The following RAP1A variants were observed in gnomAD, a reference collection of about 807,000 sequenced individuals.
RAP1A encodes ras-related protein Rap-1A.
In RAP1A, 6 loss-of-function variants were observed where a neutral mutation model predicts 26.4. The ratio of observed to expected loss-of-function variants is 0.23; its 90% confidence interval spans 0.12 to 0.45. The LOEUF (loss-of-function observed/expected upper bound fraction) is 0.45. Among genes scored for constraint, RAP1A ranks in the 20% least tolerant of loss-of-function variants. RAP1A has a pLI of 0.99. For synonymous variants in RAP1A, 73 were observed against 79.4 expected (o/e 0.92, Z 0.43); for missense variants, 121 against 217.2 (o/e 0.56, Z 2.78).
intron 1 of RAP1A, among the ~76,000 whole-genome samples, chr1:111,599,024 T>A (rs1658616233): frequency 6.6e-6 from 1 of 151,980 alleles, no homozygotes; most frequent in South Asian, 2.1e-4. Context: ...AGCATACAGA[T>A]GATGAGGTGT....
At chr1:111,705,541 G>A (rs542023914) in intron 6 of RAP1A, among the ~76,000 whole-genome samples, 2 of 152,286 alleles carry the variant, frequency 1.3e-5, no homozygotes, top group South Asian at 2.1e-4. Flanking sequence ...GAATGCCAAA[G>A]CTTGTTTTTT....
chr1:111,653,406 G>T (rs1660338997), intron 1 of RAP1A, among the ~76,000 whole-genome samples: 1 of 152,138 alleles, frequency 6.6e-6, no homozygotes, highest in East Asian at 1.9e-4. Context: ...GGTGGGCCAG[G>T]CGCGGTGGCT....
intron 1 of RAP1A, among the ~76,000 whole-genome samples, chr1:111,572,485 C>G (rs1658069336): frequency 1.3e-5 from 2 of 152,166 alleles, no homozygotes; most frequent in Non-Finnish European, 2.9e-5. Context: ...TTCCATTTAT[C>G]CCCTGATTCA....
chr1:111,607,568 C>T (rs1658813250), intron 1 of RAP1A, among the ~76,000 whole-genome samples: 1 of 151,268 alleles, frequency 6.6e-6, no homozygotes, highest in Non-Finnish European at 1.5e-5. Context: ...AGAGGGGCTC[C>T]TCACTTCCCA....
intron 1 of RAP1A, chr1:111,608,736 CA>C (rs1423161374): frequency 3.2e-5 from 5 of 158,424 alleles, no homozygotes; most frequent in South Asian, 1.7e-4. Context: ...CCGTCTCCAC[CA>C]AAAAAATACG....
chr1:111,632,921 CAAAAA>C (rs59053038), intron 1 of RAP1A, among the ~76,000 whole-genome samples: 1 of 68,786 alleles, frequency 1.5e-5, no homozygotes, highest in East Asian at 4.7e-4. Context: ...AACTTGGTCT[CAAAAA>C]AAAAAAAAAA....
At chr1:111,620,158 G>A (rs1659144954) in intron 1 of RAP1A, among the ~76,000 whole-genome samples, 2 of 152,272 alleles carry the variant, frequency 1.3e-5, no homozygotes, top group East Asian at 3.9e-4. Flanking sequence ...AACCACGCCC[G>A]CGGACCGACC....
chr1:111,542,279 C>G, exon 1 of RAP1A: 1 of 588,160 alleles, frequency 1.7e-6, no homozygotes, highest in Non-Finnish European at 3.2e-6. Flanking sequence ...CAGGATCAGA[C>G]CTGCCGGTTC....
At chr1:111,679,858 A>G (rs1661239774) in intron 1 of RAP1A, among the ~76,000 whole-genome samples, 1 of 152,228 alleles carries the variant, frequency 6.6e-6, no homozygotes, top group African/African-American at 2.4e-5. Context: ...CTCTCTGGGC[A>G]GGGCATCTGA....
chr1:111,626,565 G>C (rs1354379367), intron 1 of RAP1A, among the ~76,000 whole-genome samples: 2 of 152,122 alleles, frequency 1.3e-5, no homozygotes, highest in African/African-American at 2.4e-5. Context: ...TATCTGCTAG[G>C]ACAGAAATGT....
chr1:111,657,288 A>T (rs562281732), intron 1 of RAP1A, among the ~76,000 whole-genome samples: 1 of 152,352 alleles, frequency 6.6e-6, no homozygotes, highest in East Asian at 1.9e-4. Flanking sequence ...TTTCATGCAC[A>T]AAGTTGTTAA....
intron 1 of RAP1A, among the ~76,000 whole-genome samples, chr1:111,652,052 C>T (rs1363127113): frequency 6.6e-6 from 1 of 151,894 alleles, no homozygotes; most frequent in Non-Finnish European, 1.5e-5. Context: ...TGGCTCACTG[C>T]AACCTCAGCC....
intron 1 of RAP1A, among the ~76,000 whole-genome samples, chr1:111,542,696 GT>G (rs66509119): frequency 0.91 from 136,159 of 150,256 alleles, 62,736 homozygotes; most frequent in Non-Finnish European, 0.99. Context: ...TTTTGTTTTT[GT>G]TTTTTTTTTC....
chr1:111,609,836 T>G (rs1658889968), intron 1 of RAP1A, among the ~76,000 whole-genome samples: 1 of 152,100 alleles, frequency 6.6e-6, no homozygotes, highest in African/African-American at 2.4e-5. Context: ...GGTTTCACCT[T>G]GTTGGCCAGG....
rs560562067 is a variant in RAP1A, at chr1:111,703,715, C to T, written c.324+239C>T. On this transcript the variant is annotated intron_variant, in intron 5 of 7. Coordinates refer to ENST00000369709, the MANE Select transcript of RAP1A (RefSeq NM_002884.4). ...TCATTGTGCTATAGGTTAAAAAGTG[C>T]AGTAGAGGAAAAAGAGGAGCCAAAG... is the stretch of plus-strand genomic sequence containing the variant. 2.6e-5 allele frequency among the ~76,000 whole-genome samples: 4 copies of T among 152,170 alleles called. No individual in the cohort carries two copies. In the East Asian group the frequency reaches 7.7e-4, roughly 29 times the overall value.
At chr1:111,642,561 C>T (rs941550005) in intron 1 of RAP1A, among the ~76,000 whole-genome samples, 3 of 151,322 alleles carry the variant, frequency 2.0e-5, no homozygotes, top group Non-Finnish European at 4.4e-5. Flanking sequence ...TATCTTAGCT[C>T]ACTGCAAGCT....
intron 1 of RAP1A, chr1:111,648,215 T>G: frequency 2.2e-6 from 1 of 455,204 alleles, no homozygotes; most frequent in Non-Finnish European, 4.0e-6. Context: ...ATTTTTTTTT[T>G]TTTGACTTCC....
rs1281769707 is a variant in RAP1A, at chr1:111,714,493, T to C, written c.*2092T>C. Reference sequence around the variant, plus strand: ...TCCAAGTCTCAGTCTGCTTGACTAGTAGCATAAACTCAGTCTATTCTATTT... The same window carrying C: ...TCCAAGTCTCAGTCTGCTTGACTAGCAGCATAAACTCAGTCTATTCTATTT... On this transcript the variant is annotated 3_prime_UTR_variant, in exon 8 of 8. Coordinates refer to ENST00000369709, the MANE Select transcript of RAP1A (RefSeq NM_002884.4). 1 of 152,258 alleles carries C rather than the reference T, an allele frequency of 6.6e-6. No homozygotes were observed. The highest frequency in any genetic ancestry group is 2.4e-5 in the African/African-American group (1 of 41,470). 9.4% of individuals were successfully genotyped at this position (152,258 alleles called of 1,614,324 possible).
intron 1 of RAP1A, among the ~76,000 whole-genome samples, chr1:111,570,253 T>G (rs1347216464): frequency 6.6e-6 from 1 of 152,140 alleles, no homozygotes; most frequent in Admixed American, 6.5e-5. Context: ...ACAGTCCTAT[T>G]GTCTGTGTGC....
Sources: gnomAD v4.1 joint callset for allele counts (sites outside exome capture counted in the v4.1 genomes callset) on GRCh38, gnomAD v4.1.1 for gene constraint, MANE v1.5 for transcripts, NCBI Gene and HGNC (gene_info 2026-07-23, HGNC 2026-07-21) for gene names.